The following CLVS2 variants were observed in gnomAD, a reference collection of about 807,000 sequenced individuals.
CLVS2 encodes the protein clavesin-2.
In CLVS2, 19 loss-of-function variants were observed where a neutral mutation model predicts 29.0. The observed-to-expected ratio is 0.66, with a 90% confidence interval of 0.46 to 0.96. The LOEUF (loss-of-function observed/expected upper bound fraction) is 0.96. CLVS2 is among the 40% of genes least tolerant of loss of function. The pLI, the probability that CLVS2 is intolerant of heterozygous loss-of-function variation, is 0.00. For synonymous variants in CLVS2, 161 were observed against 151.3 expected, an observed-to-expected ratio of 1.06 and a Z score of -0.47; for missense variants, 294 against 404.1, an observed-to-expected ratio of 0.73 and a Z score of 2.34.
intron 3 of CLVS2, among the ~76,000 whole-genome samples, chr6:123,022,639 T>C (rs570518577): frequency 3.9e-5 from 6 of 152,192 alleles, no homozygotes; most frequent in African/African-American, 1.4e-4. Context: ...GAAATTTATT[T>C]CCAAAATCAA....
chr6:123,067,353 T>C lies in CLVS2; in HGVS notation c.*3592T>C, dbSNP rs1054400284. 1 of 151,628 alleles carries C rather than the reference T, an allele frequency of 6.6e-6. No individual in the cohort carries two copies. Among genetic ancestry groups the C allele is most frequent in the African/African-American group, 2.4e-5 (1 of 41,372 alleles). 9.4% of individuals were successfully genotyped at this position (151,628 alleles called of 1,614,324 possible). On this transcript the variant is annotated 3_prime_UTR_variant, in exon 6 of 6. Transcript: ENST00000275162. ...TGGAGTATGTCTTCAGGGACAGGGA[T>C]CATTTGCTTCTACAATGTAAAGGTT...
At chr6:123,046,217 A>T (rs895309586) in intron 3 of CLVS2, among the ~76,000 whole-genome samples, 4 of 152,188 alleles carry the variant, frequency 2.6e-5, no homozygotes, top group Admixed American at 2.6e-4. Context: ...CTCAACTGTG[A>T]TTGGGTATTG....
rs186410012 is a variant in CLVS2 at position 123,035,441 on chromosome 6, G to A, written c.565-13181G>A. 3.1e-3 allele frequency among the ~76,000 whole-genome samples: 469 copies of A among 152,058 alleles called. 3 individuals carry two copies. The highest frequency in any genetic ancestry group is 0.01 in the Middle Eastern group (3 of 292). On this transcript the variant is annotated intron_variant, in intron 3 of 5. Transcript: ENST00000275162. ...AATGACAATCTACATGGATGAGGTCGGTTAGAGTGTTGAAGATGAAGATGT... is the reference window on the plus strand; with the variant it reads ...AATGACAATCTACATGGATGAGGTCAGTTAGAGTGTTGAAGATGAAGATGT...
intron 3 of CLVS2, among the ~76,000 whole-genome samples, chr6:123,038,206 T>C (rs1019970228): frequency 6.6e-6 from 1 of 152,208 alleles, no homozygotes; most frequent in Non-Finnish European, 1.5e-5. Flanking sequence ...TTGTGAGTTC[T>C]TCCCTCATCC....
rs1244381378 is a variant in CLVS2, at chr6:123,063,916, A to G, written c.*155A>G. On this transcript the variant is annotated 3_prime_UTR_variant, in exon 6 of 6. Transcript: ENST00000275162. The stretch of plus-strand genomic sequence containing the variant: ...AGGCATCAGGCTTTCCTTGGCCTGA[A>G]CCATGGGGGCCCTGGGCTGGATTTT... 3.0e-5 allele frequency: 14 copies of G among 465,084 alleles called. No homozygotes were observed. The South Asian group carries it at 4.6e-4, about 15-fold the overall frequency. 28.8% of individuals were successfully genotyped at this position (465,084 alleles called of 1,614,324 possible). A position where few individuals can be genotyped will look rare whatever the true frequency, so the allele number is the denominator to read the frequency against.
intron 2 of CLVS2, 137 bp downstream of exon 2, chr6:122,998,303 G>A (rs1774542487): frequency 1.8e-6 from 2 of 1,127,028 alleles, no homozygotes; most frequent in East Asian, 2.5e-5. Flanking sequence ...ACCAGGAGAT[G>A]AGTTTTTGGT....
At chr6:123,058,511 AC>A (rs1383683069) in intron 5 of CLVS2, among the ~76,000 whole-genome samples, 1 of 151,514 alleles carries the variant, frequency 6.6e-6, no homozygotes, top group Non-Finnish European at 1.5e-5. Context: ...AGCTGCACCC[AC>A]CCCCTAAAAA....
intron 2 of CLVS2, among the ~76,000 whole-genome samples, chr6:123,000,346 T>C (rs531335425): frequency 6.6e-6 from 1 of 152,284 alleles, no homozygotes; most frequent in East Asian, 1.9e-4. Flanking sequence ...TTTCCCACCT[T>C]CCTTTTATCC....
chr6:123,054,111 G>A lies in CLVS2; in HGVS notation c.676-1695G>A, dbSNP rs184367322. ...CTAGGATTACACTGACTGCTCCAAG[G>A]ATTTATTACCATGACTCTTGCATGA... On this transcript the variant is annotated intron_variant, in intron 4 of 5. Coordinates refer to ENST00000275162, the MANE Select transcript of CLVS2 (RefSeq NM_001010852.4). Among the ~76,000 whole-genome samples, 52 of 152,186 alleles carry A rather than the reference G, an allele frequency of 3.4e-4. 1 individual carries two copies. In the East Asian group the frequency reaches 9.7e-3, roughly 28 times the overall value.
At chr6:123,025,212 C>T (rs571875723) in intron 3 of CLVS2, among the ~76,000 whole-genome samples, 79 of 152,142 alleles carry the variant, frequency 5.2e-4, no homozygotes, top group African/African-American at 1.8e-3. Flanking sequence ...ACATCAATAT[C>T]CGGGGACCTG....
Position 122,997,547 on chromosome 6 carries a change from T to C in CLVS2, c.-231T>C. ...GAGGGAGCCAAAGTAGGGTGTTGTA[T>C]TTTAGGGGGCAGAGGAAGAAGTTTA... On this transcript the variant is annotated 5_prime_UTR_variant, in exon 2 of 6. Coordinates refer to ENST00000275162, the MANE Select transcript of CLVS2 (RefSeq NM_001010852.4). The C allele has an allele frequency of 1.7e-6, 1 of 578,604 alleles. No homozygotes were observed. Among genetic ancestry groups the C allele is most frequent in the South Asian group, 2.2e-5 (1 of 44,658 alleles). The allele number at this position is 578,604 out of a possible 1,614,324, so 35.8% of individuals were successfully genotyped here.
intron 5 of CLVS2, among the ~76,000 whole-genome samples, chr6:123,057,595 C>A (rs1582665724): frequency 6.6e-6 from 1 of 151,976 alleles, no homozygotes; most frequent in African/African-American, 2.4e-5. Context: ...CCACCTGCCT[C>A]GGCCTCCAAA....
intron 3 of CLVS2, among the ~76,000 whole-genome samples, chr6:123,030,949 T>C (rs1775075804): frequency 6.6e-6 from 1 of 151,634 alleles, no homozygotes; most frequent in South Asian, 2.1e-4. Flanking sequence ...ATATTCTTAT[T>C]TGAGGCAGGG....
rs779299196 is a variant in CLVS2 at position 122,997,849 on chromosome 6, A to G, written c.72A>G (p.Pro24=). The change falls in exon 2 of 6, where the codon CCA becomes CCG. Residue 24 remains proline (P), a synonymous_variant. Coordinates refer to ENST00000275162, the MANE Select transcript of CLVS2 (RefSeq NM_001010852.4). The stretch of plus-strand genomic sequence containing the variant: ...CTCGCCTGGAGCTCAATGAAAACCC[A>G]GACACGCTGCACCAGGACATCCAGG... ...EKARLELNEN[P]DTLHQDIQEV... The G allele has an allele frequency of 3.7e-6, 6 of 1,614,148 alleles. No homozygotes were observed. Among genetic ancestry groups the G allele is most frequent in the Non-Finnish European group, 5.1e-6 (6 of 1,180,012 alleles).
At position 122,997,604 on chromosome 6, in the gene CLVS2, A is replaced by G. The variant is rs1582639372; in HGVS notation, c.-174A>G. The stretch of plus-strand genomic sequence containing the variant: ...CCGGCCCCCCCAGCTTTGCTGGGGG[A>G]AAGCAGGAGCAACAGGGCACTTGAT... On this transcript the variant is annotated 5_prime_UTR_variant, in exon 2 of 6. Transcript: ENST00000275162. 5.5e-5 allele frequency: 30 copies of G among 542,034 alleles called. No homozygotes were observed. Among genetic ancestry groups the G allele is most frequent in the Non-Finnish European group, 7.1e-5 (22 of 307,850 alleles). 33.6% of individuals were successfully genotyped at this position (542,034 alleles called of 1,614,324 possible).
At chr6:123,050,227 A>G (rs1301788186) in intron 4 of CLVS2, among the ~76,000 whole-genome samples, 1 of 152,194 alleles carries the variant, frequency 6.6e-6, no homozygotes, top group East Asian at 1.9e-4. Context: ...AATGCCTCAC[A>G]AGTGCTTTTG....
intron 4 of CLVS2, among the ~76,000 whole-genome samples, chr6:123,054,543 A>C (rs887255742): frequency 3.3e-5 from 5 of 152,234 alleles, no homozygotes; most frequent in African/African-American, 1.2e-4. Flanking sequence ...TTGATATTGT[A>C]GAGTAATCTT....
In CLVS2 at chr6:123,063,994, T is replaced by C; in HGVS notation, c.*233T>C. ...TGCCAAGTTGTTTGTAAATATAATG[T>C]AATCTTCATGTCAAGTTTGTAAATT... On this transcript the variant is annotated 3_prime_UTR_variant, in exon 6 of 6. Transcript: ENST00000275162. 2.8e-6 allele frequency: 1 copy of C among 363,592 alleles called. No homozygotes were observed. The highest frequency in any genetic ancestry group is 5.0e-6 in the Non-Finnish European group (1 of 201,080). 22.5% of individuals were successfully genotyped at this position (363,592 alleles called of 1,614,324 possible).
rs2114378076 is a variant in CLVS2, at chr6:123,068,205, G to A, written c.*4444G>A. The A allele has an allele frequency of 6.6e-6, 1 of 151,424 alleles. No homozygotes were observed. Among genetic ancestry groups the A allele is most frequent in the East Asian group, 1.9e-4 (1 of 5,170 alleles). The allele number at this position is 151,424 out of a possible 1,614,324, so 9.4% of individuals were successfully genotyped here. ...TAGCCTTTTTTTCAAGGAAGCAGGT[G>A]TACAAATGATGCTATTGAAATAAAA... is the stretch of plus-strand genomic sequence containing the variant. On this transcript the variant is annotated 3_prime_UTR_variant, in exon 6 of 6. Transcript: ENST00000275162.
Sources: allele counts gnomAD v4.1 joint callset (sites outside exome capture counted in the v4.1 genomes callset), GRCh38; gene constraint gnomAD v4.1.1; transcripts MANE v1.5; gene names NCBI Gene and HGNC (gene_info 2026-07-23, HGNC 2026-07-21).